The following OR3A2 variants were observed in gnomAD, a reference collection of about 807,000 sequenced individuals.
OR3A2 encodes olfactory receptor 3A2.
For missense variants in OR3A2, 318 were observed against 392.8 expected (o/e 0.81, Z 1.61); for synonymous variants, 126 against 159.3 (o/e 0.79, Z 1.57).
chr17:3,323,672 G>A (rs944539160), intron 3 of OR3A2, among the ~76,000 whole-genome samples: 3 of 152,098 alleles, frequency 2.0e-5, no homozygotes, highest in Non-Finnish European at 4.4e-5. Context: ...CCTTAAGAAT[G>A]TTGAATATTT....
chr17:3,357,731 T>A (rs909282099), intron 2 of OR3A2, among the ~76,000 whole-genome samples: 9 of 151,492 alleles, frequency 5.9e-5, no homozygotes, highest in African/African-American at 1.2e-4. Context: ...TAATTTTTTT[T>A]ATAGAGAGAC....
At chr17:3,361,838 T>C (rs1597358491) in intron 2 of OR3A2, among the ~76,000 whole-genome samples, 1 of 151,586 alleles carries the variant, frequency 6.6e-6, no homozygotes. Context: ...TTGAGGATTT[T>C]TGCATTGATG....
At chr17:3,342,788 G>T (rs1253678962) in intron 2 of OR3A2, among the ~76,000 whole-genome samples, 1 of 152,226 alleles carries the variant, frequency 6.6e-6, no homozygotes, top group Non-Finnish European at 1.5e-5. Flanking sequence ...CAAACACCAT[G>T]ATGGGAGAAC....
At chr17:3,288,246 C>CAA, upstream of OR3A2, among the ~76,000 whole-genome samples, 1,803 of 73,276 alleles carry the variant, frequency 0.025, 36 homozygotes, top group African/African-American at 0.042. Context: ...ACCAAAAGGG[C>CAA]AAAAAAAAAA....
rs148325106 is a variant in OR3A2 at position 3,293,522 on chromosome 17, G to T, written c.-84-14369C>A. 7.2e-5 allele frequency among the ~76,000 whole-genome samples: 11 copies of T among 152,190 alleles called. No homozygotes were observed. The East Asian group carries it at 2.1e-3, about 29-fold the overall frequency. ...GATACAAGCATCTTGTGAATATCTAGTTTGGCAAAAACTCATGTCATTTAA... is the reference window on the plus strand; with the variant it reads ...GATACAAGCATCTTGTGAATATCTATTTTGGCAAAAACTCATGTCATTTAA... On this transcript the variant is annotated intron_variant, in intron 3 of 4. Transcript: ENST00000573491.
intron 3 of OR3A2, among the ~76,000 whole-genome samples, chr17:3,332,293 G>A (rs1213670324): frequency 6.6e-6 from 1 of 152,218 alleles, no homozygotes; most frequent in African/African-American, 2.4e-5. Context: ...GGCAATGGCG[G>A]GCGCCCCTCC....
intron 2 of OR3A2, among the ~76,000 whole-genome samples, chr17:3,374,474 T>C (rs1314892025): frequency 6.6e-6 from 1 of 152,204 alleles, no homozygotes; most frequent in Non-Finnish European, 1.5e-5. Flanking sequence ...CCAAATTTAT[T>C]GGAGGCTTTA....
intron 3 of OR3A2, among the ~76,000 whole-genome samples, chr17:3,319,879 G>T (rs969955729): frequency 3.0e-4 from 46 of 152,106 alleles, no homozygotes; most frequent in African/African-American, 9.4e-4. Context: ...ATAATCCTTT[G>T]GGTATATATA....
At chr17:3,373,056 A>G (rs993182241) in intron 2 of OR3A2, among the ~76,000 whole-genome samples, 1 of 152,198 alleles carries the variant, frequency 6.6e-6, no homozygotes, top group Non-Finnish European at 1.5e-5. Context: ...TTTTACTCAA[A>G]TAACATGCAG....
chr17:3,347,238 TC>T (rs1409848237), intron 2 of OR3A2, among the ~76,000 whole-genome samples: 1 of 76,228 alleles, frequency 1.3e-5, no homozygotes, highest in African/African-American at 7.7e-5. Context: ...TTGTATGTCT[TC>T]TTTTTTTTTT....
At chr17:3,316,735 T>A (rs1395955636) in intron 3 of OR3A2, among the ~76,000 whole-genome samples, 2 of 152,188 alleles carry the variant, frequency 1.3e-5, no homozygotes, top group Non-Finnish European at 2.9e-5. Context: ...TTAGGCCCAG[T>A]AGCTTTGCCT....
intron 3 of OR3A2, among the ~76,000 whole-genome samples, chr17:3,319,880 G>C (rs1458780915): frequency 1.3e-5 from 2 of 151,894 alleles, no homozygotes; most frequent in African/African-American, 2.4e-5. Context: ...TAATCCTTTG[G>C]GTATATATAC....
At chr17:3,298,982 T>C (rs1290453756) in intron 3 of OR3A2, among the ~76,000 whole-genome samples, 1 of 152,216 alleles carries the variant, frequency 6.6e-6, no homozygotes, top group African/African-American at 2.4e-5. Flanking sequence ...CCAATAATGA[T>C]GCCTTATGAC....
chr17:3,355,190 G>A (rs2049455686), intron 2 of OR3A2, among the ~76,000 whole-genome samples: 1 of 151,378 alleles, frequency 6.6e-6, no homozygotes, highest in African/African-American at 2.4e-5. Flanking sequence ...TTTTTTGAAT[G>A]TTTTATCATT....
rs1053748249 is a variant in OR3A2 at position 3,337,728 on chromosome 17, T to C, written c.-178-1602A>G. ...TTTGGTATTGTGAATAGTGCCACAATAAACATACGTGTGCATGTGTCTTTA... is the reference window on the plus strand; with the variant it reads ...TTTGGTATTGTGAATAGTGCCACAACAAACATACGTGTGCATGTGTCTTTA... On this transcript the variant is annotated intron_variant, in intron 2 of 4. Transcript: ENST00000573491. 6.6e-5 allele frequency among the ~76,000 whole-genome samples: 10 copies of C among 152,232 alleles called. 1 individual carries two copies. The highest frequency in any genetic ancestry group is 2.2e-4 in the African/African-American group (9 of 41,460).
At chr17:3,370,356 G>GT (rs1214617083) in intron 2 of OR3A2, among the ~76,000 whole-genome samples, 2 of 152,110 alleles carry the variant, frequency 1.3e-5, no homozygotes, top group African/African-American at 2.4e-5. Context: ...TATTTCTGTG[G>GT]TATCAGTTGT....
intron 3 of OR3A2, among the ~76,000 whole-genome samples, chr17:3,305,180 T>C (rs753685148): frequency 2.0e-5 from 3 of 152,232 alleles, no homozygotes; most frequent in Non-Finnish European, 4.4e-5. Flanking sequence ...TGTTATGATA[T>C]GCATGCTTAA....
intron 2 of OR3A2, among the ~76,000 whole-genome samples, chr17:3,361,037 T>TTCC (rs1388802491): frequency 2.0e-5 from 3 of 151,578 alleles, no homozygotes; most frequent in Non-Finnish European, 4.4e-5. Flanking sequence ...ATATTGATTC[T>TTCC]TCCTACCCAT....
chr17:3,299,552 G>A (rs1222388490), intron 3 of OR3A2, among the ~76,000 whole-genome samples: 4 of 152,160 alleles, frequency 2.6e-5, no homozygotes, highest in Admixed American at 1.3e-4. Flanking sequence ...TTGGTGATGA[G>A]GTTAATGAAC....
Sources: gnomAD v4.1 joint callset for allele counts (sites outside exome capture counted in the v4.1 genomes callset) on GRCh38, gnomAD v4.1.1 for gene constraint, MANE v1.5 for transcripts, NCBI Gene and HGNC (gene_info 2026-07-23, HGNC 2026-07-21) for gene names.